LHFPL3: variants seen among roughly 807,000 people sequenced by gnomAD.
The protein encoded by LHFPL3 is LHFPL tetraspan subfamily member 3 protein.
A neutral mutation model predicts 19.3 loss-of-function variants in LHFPL3; 5 were observed. The ratio of observed to expected loss-of-function variants is 0.26; its 90% CI spans 0.14 to 0.54. The LOEUF is 0.54. Ranked by LOEUF, LHFPL3 falls within the 20% of genes least tolerant of loss-of-function variation. LHFPL3 has a pLI of 0.94. For synonymous variants in LHFPL3, 133 were observed against 126.2 expected, an observed-to-expected ratio of 1.05 and a Z score of -0.36; for missense variants, 249 against 307.4, an observed-to-expected ratio of 0.81 and a Z score of 1.42.
At chr7:104,786,204 A>T (rs1027744821) in intron 2 of LHFPL3, among the ~76,000 whole-genome samples, 1 of 152,208 alleles carries the variant, frequency 6.6e-6, no homozygotes, top group Non-Finnish European at 1.5e-5. Flanking sequence ...CAGCTTAGCC[A>T]CTGGTTAAAG....
intron 1 of LHFPL3, among the ~76,000 whole-genome samples, chr7:104,527,488 G>A (rs1357884161): frequency 6.6e-6 from 1 of 152,148 alleles, no homozygotes; most frequent in Non-Finnish European, 1.5e-5. Context: ...GGAGACCAAG[G>A]GGAACAGAGT....
intron 1 of LHFPL3, among the ~76,000 whole-genome samples, chr7:104,487,661 T>C (rs1393457430): frequency 6.6e-6 from 1 of 152,226 alleles, no homozygotes; most frequent in Non-Finnish European, 1.5e-5. Context: ...CATAATAAGA[T>C]GGCATGGAAC....
In LHFPL3 at chr7:104,782,017, T is replaced by C. The variant is rs115081540; in HGVS notation, c.682+45106T>C. Among the ~76,000 whole-genome samples the C allele has an allele frequency of 2.0e-3, 306 of 152,352 alleles. 2 individuals carry two copies. Among genetic ancestry groups the C allele is most frequent in the African/African-American group, 7.0e-3 (292 of 41,582 alleles). ...TAATTACCTAAAACAGCAACCGTTC[T>C]ATCACGCTTATAATATCATGGACCA... On this transcript the variant is annotated intron_variant, in intron 2 of 2. Coordinates refer to ENST00000424859, the MANE Select transcript of LHFPL3 (RefSeq NM_199000.3).
At chr7:104,829,677 T>G (rs1431709242) in intron 2 of LHFPL3, among the ~76,000 whole-genome samples, 2 of 152,002 alleles carry the variant, frequency 1.3e-5, no homozygotes, top group Admixed American at 6.5e-5. Context: ...TTTTTATGGC[T>G]GCATAGTATT....
At chr7:104,518,070 A>T (rs1793957030) in intron 1 of LHFPL3, among the ~76,000 whole-genome samples, 1 of 152,192 alleles carries the variant, frequency 6.6e-6, no homozygotes, top group Non-Finnish European at 1.5e-5. Context: ...CATCCTAGGA[A>T]TAAGTAGTAT....
At chr7:104,518,752 C>G (rs1180781552) in intron 1 of LHFPL3, among the ~76,000 whole-genome samples, 3 of 151,698 alleles carry the variant, frequency 2.0e-5, no homozygotes, top group Non-Finnish European at 2.9e-5. Flanking sequence ...CCACTGCACT[C>G]CAACCTGGGC....
intron 1 of LHFPL3, among the ~76,000 whole-genome samples, chr7:104,524,713 T>C (rs1794151513): frequency 6.6e-6 from 1 of 152,158 alleles, no homozygotes; most frequent in African/African-American, 2.4e-5. Context: ...CTTTGAATTT[T>C]GAATAAAGAC....
At chr7:104,853,453 T>A (rs931383279) in intron 2 of LHFPL3, among the ~76,000 whole-genome samples, 6 of 152,210 alleles carry the variant, frequency 3.9e-5, no homozygotes, top group Non-Finnish European at 7.3e-5. Flanking sequence ...TGTCTGTTTT[T>A]GCCTTTTCTG....
At chr7:104,776,834 T>C (rs1178732445) in intron 2 of LHFPL3, among the ~76,000 whole-genome samples, 1 of 152,184 alleles carries the variant, frequency 6.6e-6, no homozygotes, top group Non-Finnish European at 1.5e-5. Flanking sequence ...AACTCTACAT[T>C]GTAAAAAACA....
chr7:104,449,785 T>C (rs1792397983), intron 1 of LHFPL3, among the ~76,000 whole-genome samples: 1 of 152,198 alleles, frequency 6.6e-6, no homozygotes, highest in South Asian at 2.1e-4. Flanking sequence ...GCCATGATAA[T>C]GGACTCAACA....
intron 1 of LHFPL3, among the ~76,000 whole-genome samples, chr7:104,386,674 C>T (rs1295899079): frequency 6.6e-6 from 1 of 152,110 alleles, no homozygotes; most frequent in Non-Finnish European, 1.5e-5. Context: ...GCAAATGTGC[C>T]CTGATATACG....
Position 104,879,755 on chromosome 7 carries a change from C to G in LHFPL3, c.683-26432C>G, listed in dbSNP as rs1319625064. ...GCAGCAAATGCTGATGGAGAAACCA[C>G]AGCAAGTTATCCAGAAGATCTAGCT... On this transcript the variant is annotated intron_variant, in intron 2 of 2. Transcript: ENST00000424859. 2.0e-5 allele frequency among the ~76,000 whole-genome samples: 3 copies of G among 152,232 alleles called. No individual in the cohort carries two copies. In the East Asian group the frequency reaches 5.8e-4, roughly 29 times the overall value.
At chr7:104,579,353 A>G (rs1790410523) in intron 1 of LHFPL3, among the ~76,000 whole-genome samples, 1 of 152,028 alleles carries the variant, frequency 6.6e-6, no homozygotes. Context: ...TGTTATTTCA[A>G]TCTTTATGTC....
At chr7:104,335,418 T>C (rs1789780416) in intron 1 of LHFPL3, among the ~76,000 whole-genome samples, 1 of 152,212 alleles carries the variant, frequency 6.6e-6, no homozygotes, top group African/African-American at 2.4e-5. Context: ...AAGAAAGTGA[T>C]CTGGAATAAT....
At chr7:104,632,846 G>GA (rs1791667756) in intron 1 of LHFPL3, among the ~76,000 whole-genome samples, 1 of 152,166 alleles carries the variant, frequency 6.6e-6, no homozygotes, top group Non-Finnish European at 1.5e-5. Flanking sequence ...GTAGAGATGA[G>GA]GTTTTGCTAT....
chr7:104,458,293 C>T lies in LHFPL3; in HGVS notation c.445+129069C>T, dbSNP rs189968150. On this transcript the variant is annotated intron_variant, in intron 1 of 2. Coordinates refer to ENST00000424859, the MANE Select transcript of LHFPL3 (RefSeq NM_199000.3). ...AATCCATCTTAAATTAATTTTTGTACAAGGTGTAAGGAAGGGATCCAGTTT... is the reference window on the plus strand; with the variant it reads ...AATCCATCTTAAATTAATTTTTGTATAAGGTGTAAGGAAGGGATCCAGTTT... 1.7e-3 allele frequency among the ~76,000 whole-genome samples: 264 copies of T among 152,202 alleles called. 1 individual carries two copies. The highest frequency in any genetic ancestry group is 5.8e-3 in the African/African-American group (241 of 41,514).
intron 1 of LHFPL3, among the ~76,000 whole-genome samples, chr7:104,333,675 C>G (rs1257636993): frequency 6.6e-6 from 1 of 152,200 alleles, no homozygotes; most frequent in Non-Finnish European, 1.5e-5. Flanking sequence ...CAAAGGTAAT[C>G]ACTATATTTC....
intron 2 of LHFPL3, among the ~76,000 whole-genome samples, chr7:104,893,800 AAAT>A (rs1792299174): frequency 6.6e-6 from 1 of 151,748 alleles, no homozygotes; most frequent in Non-Finnish European, 1.5e-5. Flanking sequence ...AAAAATGCAA[AAAT>A]TAGCCAGGCA....
At chr7:104,692,746 A>G (rs998292809) in intron 1 of LHFPL3, among the ~76,000 whole-genome samples, 16 of 152,238 alleles carry the variant, frequency 1.1e-4, no homozygotes, top group African/African-American at 3.6e-4. Context: ...AAATTCCTGG[A>G]TGTCCAGGCA....
Sources: gnomAD v4.1 joint callset for allele counts (sites outside exome capture counted in the v4.1 genomes callset) on GRCh38, gnomAD v4.1.1 for gene constraint, MANE v1.5 for transcripts, NCBI Gene and HGNC (gene_info 2026-07-23, HGNC 2026-07-21) for gene names.